KNTC1: variants seen among roughly 807,000 people sequenced by gnomAD.
KNTC1 encodes the protein kinetochore associated 1, also known as kinetochore-associated protein 1.
In KNTC1, 253 loss-of-function variants were observed where a neutral mutation model predicts 314.4. The ratio of observed to expected loss-of-function variants is 0.80; its 90% CI spans 0.73 to 0.89. KNTC1 has a LOEUF of 0.89. KNTC1 is among the 40% of genes least tolerant of loss of function. KNTC1 has a pLI of 0.00. For synonymous variants in KNTC1, 901 were observed against 901.4 expected (o/e 1.00, Z 0.01); for missense variants, 2,475 against 2,572.9 (o/e 0.96, Z 0.82).
chr12:122,557,497 A>G lies in KNTC1; in HGVS notation c.1386A>G (p.Leu462=). The G allele has an allele frequency of 6.2e-7, 1 of 1,613,778 alleles. No homozygotes were observed. Among genetic ancestry groups the G allele is most frequent in the Non-Finnish European group, 8.5e-7 (1 of 1,179,766 alleles). Residue 462 remains leucine (L), a synonymous_variant, in exon 17 of 64, where the codon CTA becomes CTG. Transcript: ENST00000333479. ...TTGTAGACGACGCTAAGGAAAATCT[A>G]CATAAGATCCAGGTATGTTTTTCTT... ...QQLVDDAKEN[L]HKIQDDEFVV...
rs868854352 is a variant in KNTC1, at chr12:122,575,849, T to C, written c.2536T>C (p.Leu846=). 3.7e-6 allele frequency: 6 copies of C among 1,613,636 alleles called. No individual in the cohort carries two copies. Among genetic ancestry groups the C allele is most frequent in the Non-Finnish European group, 5.1e-6 (6 of 1,179,794 alleles). The change falls in exon 29 of 64, where the codon TTA becomes CTA. Residue 846 remains leucine (L), a synonymous_variant. Coordinates refer to ENST00000333479, the MANE Select transcript of KNTC1 (RefSeq NM_014708.6). ...CAAACTAATGGAGATGAAAAAACTT[T>C]TACGAGGCTATGGAATAAGAGAGGT... The part of the protein sequence containing the change: ...SYKLMEMKKL[L]RGYGIREVNL...
At chr12:122,590,477 T>TC in intron 40 of KNTC1, 130 bp from the exon 41 acceptor site, 1 of 865,190 alleles carries the variant, frequency 1.2e-6, no homozygotes, top group Non-Finnish European at 1.7e-6. Flanking sequence ...TGTTTTTTTT[T>TC]CTTTAAAAAG....
chr12:122,598,710 G>A lies in KNTC1; in HGVS notation c.4563+772G>A, dbSNP rs536191659. Among the ~76,000 whole-genome samples the A allele has an allele frequency of 7.2e-5, 11 of 152,102 alleles. No individual in the cohort carries two copies. In the South Asian group the frequency reaches 8.3e-4, roughly 11 times the overall value. On this transcript the variant is annotated intron_variant, in intron 44 of 63. Transcript: ENST00000333479. ...TGCTAGGAATACAGAGGTGAGCCACGAGGCCCAGTGAACCGTCATTTTTGA... is the reference window on the plus strand; with the variant it reads ...TGCTAGGAATACAGAGGTGAGCCACAAGGCCCAGTGAACCGTCATTTTTGA...
In KNTC1 at chr12:122,587,773, T is replaced by G; in HGVS notation, c.3793T>G (p.Ser1265Ala). The G allele has an allele frequency of 6.2e-7, 1 of 1,613,874 alleles. No individual in the cohort carries two copies. The highest frequency in any genetic ancestry group is 8.5e-7 in the Non-Finnish European group (1 of 1,179,790). ...ISALLQNLQE[S>A]SQWELALRFV... The stretch of plus-strand genomic sequence containing the variant: ...TGCCCTGCTTCAGAATCTTCAGGAA[T>G]CTAGCCAGTGGGAGCTAGCCCTAAG... Residue 1265 changes from serine (S) to alanine (A), a missense_variant, in exon 39 of 64, where the codon TCT (serine) becomes GCT (alanine). Coordinates refer to ENST00000333479, the MANE Select transcript of KNTC1 (RefSeq NM_014708.6).
At chr12:122,608,332 G>A (rs142722577) in intron 51 of KNTC1, among the ~76,000 whole-genome samples, 126 of 152,232 alleles carry the variant, frequency 8.3e-4, no homozygotes, top group African/African-American at 3.0e-3. Context: ...TTTTCGCCAT[G>A]TTGCCCAGGC....
intron 16 of KNTC1, among the ~76,000 whole-genome samples, chr12:122,554,190 C>T (rs1423423111): frequency 6.7e-6 from 1 of 149,380 alleles, no homozygotes; most frequent in Non-Finnish European, 1.5e-5. Context: ...CTTAGCCTCC[C>T]AAGGTGCTGG....
chr12:122,566,109 A>G (rs1459895594), intron 20 of KNTC1, among the ~76,000 whole-genome samples: 1 of 151,158 alleles, frequency 6.6e-6, no homozygotes, highest in East Asian at 2.0e-4. Flanking sequence ...CACCCAGCTA[A>G]TTTTTGTACT....
rs773473759 is a variant in KNTC1 at position 122,557,474 on chromosome 12, G to T, written c.1363G>T (p.Val455Leu). ...ASEQTEWQQL[V>L]DDAKENLHKI... Reference sequence around the variant, plus strand: ...TGAACAGACCGAATGGCAACAACTTGTAGACGACGCTAAGGAAAATCTACA... The same window carrying T: ...TGAACAGACCGAATGGCAACAACTTTTAGACGACGCTAAGGAAAATCTACA... The change falls in exon 17 of 64, where the codon GTA becomes TTA. Residue 455 changes from valine to leucine, a missense_variant. Physicochemically the swap from Val to Leu is conservative, Grantham distance 32 (BLOSUM62 1). Transcript: ENST00000333479. The T allele has an allele frequency of 1.2e-6, 2 of 1,613,864 alleles. No homozygotes were observed. Among genetic ancestry groups the T allele is most frequent in the South Asian group, 1.1e-5 (1 of 91,072 alleles).
chr12:122,557,943 A>G (rs1298774904), intron 18 of KNTC1, among the ~76,000 whole-genome samples: 4 of 152,154 alleles, frequency 2.6e-5, no homozygotes, highest in East Asian at 1.9e-4. Flanking sequence ...GAACTTTTAA[A>G]TCTCCCCAAA....
chr12:122,558,702 C>G (rs1294737547), intron 18 of KNTC1, among the ~76,000 whole-genome samples: 2 of 151,664 alleles, frequency 1.3e-5, no homozygotes, highest in South Asian at 2.1e-4. Flanking sequence ...ATGGTGAAAC[C>G]CCATCTCTAC....
intron 6 of KNTC1, among the ~76,000 whole-genome samples, chr12:122,542,478 A>C (rs1330289126): frequency 6.6e-6 from 1 of 152,206 alleles, no homozygotes; most frequent in Middle Eastern, 3.2e-3. Flanking sequence ...TTAATAGTGC[A>C]GAACAGGGCT....
Position 122,551,598 on chromosome 12 carries a change from A to G in KNTC1, c.1197-23A>G, listed in dbSNP as rs547256299. 12 of 1,611,670 alleles carry G rather than the reference A, an allele frequency of 7.4e-6. No homozygotes were observed. In the East Asian group the frequency reaches 1.1e-4, roughly 15 times the overall value. ...TTCCCTGAATAATAAGCATTTAACA[A>G]AATTTCTCTTCCAACTTAACAGATT... is the stretch of plus-strand genomic sequence containing the variant. On this transcript the variant is annotated intron_variant, in intron 15 of 63. Transcript: ENST00000333479.
intron 24 of KNTC1, 26 bp from the exon 25 acceptor site, chr12:122,572,911 T>G: frequency 1.4e-6 from 2 of 1,455,114 alleles, no homozygotes; most frequent in Non-Finnish European, 1.9e-6. Flanking sequence ...TTTATATCGT[T>G]AACAACTTTA....
At chr12:122,577,165 G>T (rs2137951261) in intron 30 of KNTC1, 136 bp downstream of exon 30, 1 of 598,878 alleles carries the variant, frequency 1.7e-6, no homozygotes, top group Non-Finnish European at 2.6e-6. Flanking sequence ...GGTCACGCTG[G>T]TCTCAAACTC....
Position 122,620,587 on chromosome 12 carries a change from GAA to G in KNTC1, c.6261_6262del (p.Arg2088ThrfsTer5). 1.2e-6 allele frequency: 2 copies of G among 1,613,596 alleles called. No individual in the cohort carries two copies. Among genetic ancestry groups the G allele is most frequent in the Non-Finnish European group, 1.7e-6 (2 of 1,179,664 alleles). ...GTCTGATGCTCATGCCCCACTCAGAGAAAAGACACCAGCAAATTAAGGTATCG... is the reference window on the plus strand; with the variant it reads ...GTCTGATGCTCATGCCCCACTCAGAGAAGACACCAGCAAATTAAGGTATCG... ...ACLMLMPHSE[K>X]RHQQIKNFLG... On this transcript the variant is annotated frameshift_variant, in exon 60 of 64. Transcript: ENST00000333479. LOFTEE classifies it high-confidence loss of function.
At chr12:122,590,547 CAA>C in intron 40 of KNTC1, 58 bp from the exon 41 acceptor site, 1 of 1,463,596 alleles carries the variant, frequency 6.8e-7, no homozygotes. Flanking sequence ...CCTTTGTGAA[CAA>C]AGTTAATTCT....
intron 20 of KNTC1, among the ~76,000 whole-genome samples, chr12:122,566,959 C>T (rs569670157): frequency 1.3e-5 from 2 of 151,742 alleles, no homozygotes; most frequent in Admixed American, 6.6e-5. Flanking sequence ...TGGTTTCGAA[C>T]TCCTGGGCTC....
chr12:122,538,505 CTT>C (rs1016702502), intron 4 of KNTC1, 51 bp downstream of exon 4: 50 of 1,005,976 alleles, frequency 5.0e-5, no homozygotes, highest in Non-Finnish European at 7.3e-5. Flanking sequence ...TAAATAATCT[CTT>C]AGACAACTAA....
intron 51 of KNTC1, among the ~76,000 whole-genome samples, chr12:122,605,801 C>G (rs914734699): frequency 3.9e-5 from 6 of 152,180 alleles, no homozygotes; most frequent in Admixed American, 3.3e-4. Context: ...GCCTCAGCCT[C>G]TCAAAGTGCT....
Sources: gnomAD v4.1 joint callset for allele counts (sites outside exome capture counted in the v4.1 genomes callset) on GRCh38, gnomAD v4.1.1 for gene constraint, MANE v1.5 for transcripts, NCBI Gene and HGNC (gene_info 2026-07-23, HGNC 2026-07-21) for gene names.